PSMA2: variants seen among roughly 807,000 people sequenced by gnomAD.
PSMA2 encodes the protein proteasome 20S subunit alpha 2, also known as proteasome subunit alpha type-2.
In PSMA2, 2 loss-of-function variants were observed where a neutral mutation model predicts 35.9. That is an observed-to-expected ratio of 0.06 (90% confidence interval 0.02 to 0.18). The LOEUF (loss-of-function observed/expected upper bound fraction) is 0.18, where lower values mean the gene tolerates loss of function less well. Among genes scored for constraint, PSMA2 ranks in the 10% least tolerant of loss-of-function variants. The probability of loss-of-function intolerance (pLI) is 1.00; values close to 1 mark genes in which losing one functional copy is unlikely to be tolerated. For missense variants in PSMA2, 126 were observed against 278.8 expected (o/e 0.45, Z 3.90); for synonymous variants, 97 against 98.2 (o/e 0.99, Z 0.07).
intron 2 of PSMA2, 143 bp downstream of exon 2, chr7:42,927,236 CTATT>C (rs766513439): frequency 3.0e-6 from 2 of 666,950 alleles, no homozygotes; most frequent in Admixed American, 3.0e-5. Flanking sequence ...AGACTTATTA[CTATT>C]TAAACTCCAA....
rs1167615302 is a variant in PSMA2 at position 42,919,777 on chromosome 7, GTTAAAC to G, written c.531-1948_531-1943del. ...ATTTCTTGTTGCAGGTGGTGAAGAT[GTTAAAC>G]TTATAAGTATGATGATAATAGTGGA... On this transcript the variant is annotated intron_variant, in intron 6 of 7. Coordinates refer to ENST00000223321, the MANE Select transcript of PSMA2 (RefSeq NM_002787.5). 3.2e-5 allele frequency: 21 copies of G among 654,238 alleles called. No individual in the cohort carries two copies. The East Asian group carries it at 5.8e-4, about 18-fold the overall frequency. The allele number at this position is 654,238 out of a possible 1,614,324, so 40.5% of individuals were successfully genotyped here.
chr7:42,921,234 A>G (rs1158167744), intron 6 of PSMA2: 1 of 152,202 alleles, frequency 6.6e-6, no homozygotes, highest in African/African-American at 2.4e-5. Flanking sequence ...AGGTATCAAA[A>G]TATCACATGT....
Position 42,924,658 on chromosome 7 carries a change from TA to T in PSMA2, c.374+16del, listed in dbSNP as rs1201206977. ...CCTACAATTCATGGCACATTTCAAGTAAAAAAAGCAACTTACCCTGACTGAG... is the reference window on the plus strand; with the variant it reads ...CCTACAATTCATGGCACATTTCAAGTAAAAAAGCAACTTACCCTGACTGAG... On this transcript the variant is annotated intron_variant, in intron 4 of 7. Coordinates refer to ENST00000223321, the MANE Select transcript of PSMA2 (RefSeq NM_002787.5). 1 of 1,602,978 alleles carries T rather than the reference TA, an allele frequency of 6.2e-7. No homozygotes were observed. Among genetic ancestry groups the T allele is most frequent in the Admixed American group, 1.7e-5 (1 of 58,686 alleles).
intron 6 of PSMA2, 82 bp downstream of exon 6, chr7:42,921,776 C>T (rs1275624958): frequency 1.8e-6 from 2 of 1,142,272 alleles, no homozygotes; most frequent in Non-Finnish European, 2.6e-6. Flanking sequence ...TTCTTTAGTC[C>T]CATGATATTA....
At chr7:42,920,955 T>A (rs1786119742) in intron 6 of PSMA2, 1 of 151,828 alleles carries the variant, frequency 6.6e-6, no homozygotes, top group Non-Finnish European at 1.5e-5. Context: ...AAAAAGTGGA[T>A]CTCATGGAGG....
chr7:42,923,224 G>A (rs1786154500), intron 5 of PSMA2, 101 bp downstream of exon 5: 3 of 909,146 alleles, frequency 3.3e-6, no homozygotes, highest in Non-Finnish European at 5.1e-6. Flanking sequence ...GAGAAAAGAA[G>A]AAAATACTGC....
intron 6 of PSMA2, chr7:42,918,643 T>C (rs965350498): frequency 6.6e-6 from 1 of 152,460 alleles, no homozygotes; most frequent in African/African-American, 2.4e-5. Context: ...CAGCCCGTGT[T>C]AGGGTGAAGC....
chr7:42,924,698 C>A lies in PSMA2; in HGVS notation c.351G>T (p.Val117=), dbSNP rs1040454858. ...ACCCTGACTGAGTATATTCTTGCAT[C>A]ACAGAAGCTACTCTCTGTACCAGCT... ...TAQLVQRVAS[V]MQEYTQSGGV... Residue 117 remains valine (V), a synonymous_variant, in exon 4 of 8, where the codon GTG becomes GTT. Coordinates refer to ENST00000223321, the MANE Select transcript of PSMA2 (RefSeq NM_002787.5). 6.2e-7 allele frequency: 1 copy of A among 1,612,706 alleles called. No homozygotes were observed. The highest frequency in any genetic ancestry group is 1.1e-5 in the South Asian group (1 of 90,936).
At chr7:42,919,974 T>C (rs1461247655) in intron 6 of PSMA2, 1 of 742,080 alleles carries the variant, frequency 1.3e-6, no homozygotes, top group Non-Finnish European at 2.5e-6. Context: ...CTGAAGAAGA[T>C]ACTGGTGAGC....
chr7:42,929,936 C>G (rs1786270993), intron 1 of PSMA2, among the ~76,000 whole-genome samples: 1 of 152,166 alleles, frequency 6.6e-6, no homozygotes, highest in Non-Finnish European at 1.5e-5. Context: ...CAAAAATCAC[C>G]CCCAAGCACA....
At chr7:42,927,256 T>C in intron 2 of PSMA2, 127 bp downstream of exon 2, 2 of 830,454 alleles carry the variant, frequency 2.4e-6, no homozygotes, top group Non-Finnish European at 3.8e-6. Flanking sequence ...TCCAAAACAC[T>C]GTAAATTAAC....
At chr7:42,917,944 A>T (rs1786059600) in intron 6 of PSMA2, 109 bp from the exon 7 acceptor site, 4 of 739,228 alleles carry the variant, frequency 5.4e-6, no homozygotes, top group Non-Finnish European at 8.6e-6. Context: ...CATCTTAAAA[A>T]TACTAAATTA....
intron 1 of PSMA2, chr7:42,931,024 C>A: frequency 3.4e-6 from 1 of 296,890 alleles, no homozygotes; most frequent in South Asian, 2.6e-5. Context: ...TTTAAGACAA[C>A]GTTATGTAAT....
In PSMA2 at chr7:42,922,745, G is replaced by A. The variant is rs73108793; in HGVS notation, c.456+580C>T. The stretch of plus-strand genomic sequence containing the variant: ...AATTATCTAATAATCCATAAAACAT[G>A]AAAGATCATTTCCTAATCTTGAATT... On this transcript the variant is annotated intron_variant, in intron 5 of 7. Transcript: ENST00000223321. 2.0e-3 allele frequency among the ~76,000 whole-genome samples: 301 copies of A among 152,234 alleles called. 1 individual carries two copies. Among genetic ancestry groups the A allele is most frequent in the Non-Finnish European group, 3.4e-3 (233 of 67,986 alleles).
chr7:42,920,000 T>C lies in PSMA2; in HGVS notation c.530+1858A>G, dbSNP rs1347986238. On this transcript the variant is annotated intron_variant, in intron 6 of 7. Coordinates refer to ENST00000223321, the MANE Select transcript of PSMA2 (RefSeq NM_002787.5). The stretch of plus-strand genomic sequence containing the variant: ...ACTGGTGAGCTGGCAAAGCCAAAGA[T>C]TGGTTTTCCAAAGACAAGAGAAGAG... The C allele has an allele frequency of 3.6e-5, 26 of 723,974 alleles. No homozygotes were observed. The East Asian group carries it at 4.9e-4, about 14-fold the overall frequency. 44.8% of individuals were successfully genotyped at this position (723,974 alleles called of 1,614,324 possible). A position where few individuals can be genotyped will look rare whatever the true frequency, so the allele number is the denominator to read the frequency against.
At chr7:42,930,799 G>C (rs1389539969) in intron 1 of PSMA2, among the ~76,000 whole-genome samples, 1 of 151,784 alleles carries the variant, frequency 6.6e-6, no homozygotes, top group Non-Finnish European at 1.5e-5. Context: ...CCAAGAGCTG[G>C]AGGCTGCCAA....
intron 1 of PSMA2, among the ~76,000 whole-genome samples, chr7:42,930,231 A>ACACG (rs1562703643): frequency 1.0e-3 from 5 of 4,942 alleles, no homozygotes; most frequent in Admixed American, 5.2e-3. Context: ...ACACGCACAC[A>ACACG]CACACACACA....
Position 42,924,755 on chromosome 7 carries a change from A to G in PSMA2, c.294T>C (p.Tyr98=), listed in dbSNP as rs1350704333. The stretch of plus-strand genomic sequence containing the variant: ...TAGGAATGGGTTCTTGGTACACAAG[A>G]TAGTATTGTTGAGCTAGTTTTCGAG... ...HRARKLAQQY[Y]LVYQEPIPTA... The change falls in exon 4 of 8, where the codon TAT becomes TAC. Residue 98 remains tyrosine, a synonymous_variant. Transcript: ENST00000223321. 3 of 1,613,194 alleles carry G rather than the reference A, an allele frequency of 1.9e-6. No individual in the cohort carries two copies. The highest frequency in any genetic ancestry group is 2.2e-5 in the East Asian group (1 of 44,836).
rs887011513 is a variant in PSMA2, at chr7:42,917,816, G to C, written c.550C>G (p.Leu184Val). 6.2e-7 allele frequency: 1 copy of C among 1,606,648 alleles called. No homozygotes were observed. ...ATGGCTGTATGAATGGCATCTTCAA[G>C]TTCCAGATCTTCATTATATCTGAAG... The part of the protein sequence containing the change: ...LEKRYNEDLE[L>V]EDAIHTAILT... Residue 184 changes from leucine to valine, a missense_variant, in exon 7 of 8, where the codon CTT (leucine) becomes GTT (valine). Leu to Val is a conservative substitution (Grantham distance 32). Transcript: ENST00000223321.
Sources: allele counts gnomAD v4.1 joint callset (sites outside exome capture counted in the v4.1 genomes callset), GRCh38; gene constraint gnomAD v4.1.1; transcripts MANE v1.5; gene names NCBI Gene and HGNC (gene_info 2026-07-23, HGNC 2026-07-21).